The following DOCK7 variants were observed in gnomAD, a reference collection of about 807,000 sequenced individuals.
DOCK7 encodes dedicator of cytokinesis 7, also known as dedicator of cytokinesis protein 7.
DOCK7 carries 138 observed loss-of-function variants against 271.0 expected under a neutral mutation model. That is an observed-to-expected ratio of 0.51 (90% CI 0.44 to 0.59). DOCK7 has a LOEUF of 0.59. Ranked by LOEUF, DOCK7 falls within the 20% of genes least tolerant of loss-of-function variation. DOCK7 has a pLI of 0.00. For synonymous variants in DOCK7, 823 were observed against 876.1 expected (o/e 0.94, Z 1.07); for missense variants, 2,066 against 2,592.4 (o/e 0.80, Z 4.41).
intron 2 of DOCK7, among the ~76,000 whole-genome samples, chr1:62,660,298 T>C (rs1206156156): frequency 1.3e-5 from 2 of 152,090 alleles, no homozygotes; most frequent in Non-Finnish European, 2.9e-5. Context: ...CACTTAGAAA[T>C]TAAACATACT....
intron 48 of DOCK7, among the ~76,000 whole-genome samples, chr1:62,468,665 TAA>T (rs988531761): frequency 7.2e-5 from 11 of 152,062 alleles, no homozygotes; most frequent in African/African-American, 2.2e-4. Flanking sequence ...TAGAAAACCC[TAA>T]AGACTCCTCC....
chr1:62,637,141 T>C (rs1178061390), intron 7 of DOCK7, among the ~76,000 whole-genome samples: 1 of 152,214 alleles, frequency 6.6e-6, no homozygotes, highest in Admixed American at 6.5e-5. Context: ...TGTCACAGTA[T>C]ACATAATTTG....
intron 18 of DOCK7, among the ~76,000 whole-genome samples, chr1:62,572,064 T>C (rs1214936126): frequency 6.6e-6 from 1 of 151,956 alleles, no homozygotes; most frequent in African/African-American, 2.4e-5. Flanking sequence ...AACTTAAAAA[T>C]AAATAAAAAA....
chr1:62,457,773 C>T (rs1464549987), intron 48 of DOCK7, 68 bp from the exon 49 acceptor site: 50 of 1,431,684 alleles, frequency 3.5e-5, no homozygotes, highest in South Asian at 2.0e-4. Context: ...GCCATACACA[C>T]GCAAAATACA....
intron 43 of DOCK7, chr1:62,486,447 T>C (rs770683394): frequency 9.9e-5 from 15 of 152,106 alleles, no homozygotes; most frequent in Non-Finnish European, 1.9e-4. Flanking sequence ...CAAATATACC[T>C]AGCTTTAAAT....
chr1:62,581,188 T>C (rs915809654), intron 16 of DOCK7, among the ~76,000 whole-genome samples: 6 of 152,122 alleles, frequency 3.9e-5, no homozygotes, highest in Non-Finnish European at 7.4e-5. Flanking sequence ...TAGGAGGTAA[T>C]ATTTGATATG....
chr1:62,559,486 T>C (rs1646253303), intron 19 of DOCK7, among the ~76,000 whole-genome samples: 1 of 152,118 alleles, frequency 6.6e-6, no homozygotes, highest in African/African-American at 2.4e-5. Context: ...TAGTTTGAAG[T>C]TCAATTATTG....
intron 14 of DOCK7, among the ~76,000 whole-genome samples, chr1:62,602,936 ATAACAGATGTTT>A (rs1374380516): frequency 6.6e-6 from 1 of 151,772 alleles, no homozygotes; most frequent in East Asian, 1.9e-4. Context: ...GCAAGATAAA[ATAACAGATGTTT>A]AAAATCCAAA....
intron 18 of DOCK7, among the ~76,000 whole-genome samples, chr1:62,569,971 C>T (rs1282143487): frequency 6.6e-6 from 1 of 152,130 alleles, no homozygotes; most frequent in Non-Finnish European, 1.5e-5. Flanking sequence ...GCCTTGGCCT[C>T]CTAAAGTGCT....
intron 39 of DOCK7, chr1:62,494,776 T>C (rs923142120): frequency 6.1e-4 from 135 of 220,060 alleles, no homozygotes; most frequent in Admixed American, 2.8e-3. Flanking sequence ...TACAGAAACA[T>C]AGAGAAGTTT....
chr1:62,685,698 T>C (rs977340483), intron 1 of DOCK7, among the ~76,000 whole-genome samples: 9 of 152,266 alleles, frequency 5.9e-5, no homozygotes, highest in East Asian at 1.9e-4. Context: ...CAAAACTGAA[T>C]CATCATCTCC....
chr1:62,612,872 T>A (rs577621022), intron 14 of DOCK7, among the ~76,000 whole-genome samples: 1 of 152,166 alleles, frequency 6.6e-6, no homozygotes, highest in Non-Finnish European at 1.5e-5. Flanking sequence ...GATACAAACA[T>A]TCAACAGGTG....
At chr1:62,597,727 G>A in intron 14 of DOCK7, 1 of 1,613,480 alleles carries the variant, frequency 6.2e-7, no homozygotes, top group Non-Finnish European at 8.5e-7. Flanking sequence ...CTTCAGTTGG[G>A]ACATGGTCTT....
intron 40 of DOCK7, among the ~76,000 whole-genome samples, chr1:62,493,810 C>CT (rs533636392): frequency 5.9e-5 from 9 of 152,284 alleles, no homozygotes; most frequent in African/African-American, 2.2e-4. Flanking sequence ...GAGAATTCAA[C>CT]TAGTGGGTCA....
Position 62,688,244 on chromosome 1 carries a change from GA to G in DOCK7, c.20del (p.Phe7SerfsTer49). On this transcript the variant is annotated frameshift_variant, in exon 1 of 50. Coordinates refer to ENST00000635253, the MANE Select transcript of DOCK7 (RefSeq NM_001367561.1). LOFTEE classifies it high-confidence loss of function. The stretch of plus-strand genomic sequence containing the variant: ...ATATTTACCTGCTGATCTTCTGGGC[GA>G]AGGCGCGGCGCTCGGCCATGGCTGC... Reference protein sequence around the residue: MAERRAFAQKISRTVAA... With the variant: MAERRAXAQKISRTVAA... The G allele has an allele frequency of 2.2e-6, 3 of 1,373,830 alleles. No homozygotes were observed. The highest frequency in any genetic ancestry group is 1.9e-6 in the Non-Finnish European group (2 of 1,051,406). The allele number at this position is 1,373,830 out of a possible 1,614,324, so 85.1% of individuals were successfully genotyped here.
chr1:62,613,141 C>T (rs993193120), intron 14 of DOCK7, among the ~76,000 whole-genome samples: 2 of 152,078 alleles, frequency 1.3e-5, no homozygotes, highest in African/African-American at 4.8e-5. Context: ...AGATTTTTTT[C>T]ACCATTGAGA....
intron 24 of DOCK7, chr1:62,543,384 T>C (rs1032828408): frequency 7.9e-6 from 2 of 252,042 alleles, no homozygotes; most frequent in Admixed American, 1.0e-4. Flanking sequence ...TGATACATTT[T>C]TTTGGTACTA....
chr1:62,506,122 T>G (rs1646928530), intron 35 of DOCK7, among the ~76,000 whole-genome samples: 1 of 152,062 alleles, frequency 6.6e-6, no homozygotes, highest in Admixed American at 6.6e-5. Context: ...GACTTGAGGT[T>G]CATGTAGAAA....
intron 1 of DOCK7, among the ~76,000 whole-genome samples, chr1:62,676,844 A>G (rs568628871): frequency 5.3e-5 from 8 of 152,242 alleles, no homozygotes; most frequent in Non-Finnish European, 1.2e-4. Flanking sequence ...GAGAATGACA[A>G]AAGTCAAAAA....
Sources: gnomAD v4.1 joint callset for allele counts (sites outside exome capture counted in the v4.1 genomes callset) on GRCh38, gnomAD v4.1.1 for gene constraint, MANE v1.5 for transcripts, NCBI Gene and HGNC (gene_info 2026-07-23, HGNC 2026-07-21) for gene names.